The following XIRP2 variants were observed in gnomAD, a reference collection of about 807,000 sequenced individuals.
The protein encoded by XIRP2 is xin actin-binding repeat-containing protein 2.
Under a neutral mutation model 277.0 loss-of-function variants are expected in XIRP2, and 236 were observed. That is an observed-to-expected ratio of 0.85 (90% CI 0.77 to 0.95). The LOEUF (loss-of-function observed/expected upper bound fraction) is 0.95. Ranked by LOEUF, XIRP2 falls within the 40% of genes least tolerant of loss-of-function variation. The pLI is 0.00. For missense variants in XIRP2, 4,640 were observed against 4,157.5 expected (o/e 1.12, Z -3.19); for synonymous variants, 1,490 against 1,416.5 (o/e 1.05, Z -1.17).
chr2:167,116,361 C>T (rs757602580), intron 2 of XIRP2, among the ~76,000 whole-genome samples: 5 of 152,172 alleles, frequency 3.3e-5, no homozygotes, highest in East Asian at 3.9e-4. Context: ...GCCTTTTGAT[C>T]GATTAACCAT....
chr2:167,076,139 A>G (rs1055552509), intron 2 of XIRP2, among the ~76,000 whole-genome samples: 1 of 152,202 alleles, frequency 6.6e-6, no homozygotes, highest in African/African-American at 2.4e-5. Flanking sequence ...TGATTATGAA[A>G]AAAAAAGTGT....
At chr2:167,036,181 AG>A (rs1356904079) in intron 2 of XIRP2, among the ~76,000 whole-genome samples, 38 of 152,314 alleles carry the variant, frequency 2.5e-4, no homozygotes, top group African/African-American at 9.1e-4. Context: ...GTCCCTACTG[AG>A]GCACTGCTTA....
intron 2 of XIRP2, among the ~76,000 whole-genome samples, chr2:166,939,679 C>CAAAAAAAAAAAAA (rs138977006): frequency 3.9e-4 from 35 of 90,442 alleles, no homozygotes; most frequent in East Asian, 1.2e-3. Context: ...GACTCCATCA[C>CAAAAAAAAAAAAA]AAAAAAAAAA....
intron 2 of XIRP2, among the ~76,000 whole-genome samples, chr2:167,079,236 G>A (rs899290243): frequency 6.6e-6 from 1 of 152,172 alleles, no homozygotes; most frequent in Non-Finnish European, 1.5e-5. Flanking sequence ...TTAAGTTTTT[G>A]ATGTGCTGCT....
chr2:166,956,500 G>T (rs1014686518), intron 2 of XIRP2, among the ~76,000 whole-genome samples: 1 of 151,808 alleles, frequency 6.6e-6, no homozygotes, highest in Non-Finnish European at 1.5e-5. Context: ...TGTGGTCATT[G>T]TTCCATGTAA....
chr2:167,198,420 T>C (rs1693582850), intron 3 of XIRP2, among the ~76,000 whole-genome samples: 1 of 152,280 alleles, frequency 6.6e-6, no homozygotes, highest in Non-Finnish European at 1.5e-5. Context: ...TTATTCAGTG[T>C]CCCTTAGAAT....
At chr2:166,978,092 T>A (rs1686763444) in intron 2 of XIRP2, among the ~76,000 whole-genome samples, 1 of 152,216 alleles carries the variant, frequency 6.6e-6, no homozygotes, top group South Asian at 2.1e-4. Context: ...TTTCTTTCTA[T>A]ACAGATTTTC....
chr2:167,195,559 G>A (rs1458090960), intron 3 of XIRP2, among the ~76,000 whole-genome samples: 1 of 152,182 alleles, frequency 6.6e-6, no homozygotes, highest in Non-Finnish European at 1.5e-5. Context: ...CACAGCATCT[G>A]TGAAAAGATG....
At chr2:167,221,926 A>T (rs566782906) in intron 5 of XIRP2, among the ~76,000 whole-genome samples, 1 of 152,360 alleles carries the variant, frequency 6.6e-6, no homozygotes, top group South Asian at 2.1e-4. Context: ...ACAATTAGTA[A>T]TAACTTAATA....
rs1256965139 is a variant in XIRP2 at position 167,250,129 on chromosome 2, A to C, written c.8737A>C (p.Thr2913Pro). ...ACAAGAGAAACAAGTCTTCTCTAAT[A>C]CTAAAGATTCAAAGCAAGAGATTAC... ...GIQEKQVFSN[T>P]KDSKQEITQN... Residue 2913 changes from threonine (T) to proline (P), a missense_variant, in exon 9 of 11, where the codon ACT (threonine) becomes CCT (proline). Coordinates refer to ENST00000409195, the MANE Select transcript of XIRP2 (RefSeq NM_152381.6). 1.2e-6 allele frequency: 2 copies of C among 1,613,206 alleles called. No individual in the cohort carries two copies. The highest frequency in any genetic ancestry group is 1.7e-6 in the Non-Finnish European group (2 of 1,179,656).
chr2:166,908,688 C>T (rs566829142), intron 2 of XIRP2, among the ~76,000 whole-genome samples: 3 of 152,258 alleles, frequency 2.0e-5, no homozygotes, highest in African/African-American at 4.8e-5. Flanking sequence ...GAAGTCCTTG[C>T]CCATGCCTAT....
At chr2:167,114,078 C>A (rs991600273) in intron 2 of XIRP2, among the ~76,000 whole-genome samples, 1 of 152,102 alleles carries the variant, frequency 6.6e-6, no homozygotes, top group Non-Finnish European at 1.5e-5. Flanking sequence ...TCATTTCAAT[C>A]TTGAAGAATT....
At position 167,258,150 on chromosome 2, in the gene XIRP2, TAA is replaced by T; in HGVS notation, c.*336_*337del. ...AGAAAATTAGGGGAAAGGGGAAAATTAAAAGTCATTTGGCCTCCTTCCAAGGA... is the reference window on the plus strand; with the variant it reads ...AGAAAATTAGGGGAAAGGGGAAAATTAAGTCATTTGGCCTCCTTCCAAGGA... On this transcript the variant is annotated 3_prime_UTR_variant, in exon 11 of 11. Transcript: ENST00000409195. The T allele has an allele frequency of 6.2e-7, 1 of 1,612,970 alleles. No homozygotes were observed. Among genetic ancestry groups the T allele is most frequent in the Non-Finnish European group, 8.5e-7 (1 of 1,179,516 alleles).
intron 2 of XIRP2, among the ~76,000 whole-genome samples, chr2:167,011,342 G>C (rs979691387): frequency 6.6e-6 from 1 of 151,634 alleles, no homozygotes; most frequent in Non-Finnish European, 1.5e-5. Flanking sequence ...TGTGGTTTTT[G>C]TCTTTGGTTC....
chr2:167,194,220 T>C (rs991965530), intron 3 of XIRP2, among the ~76,000 whole-genome samples: 1 of 151,894 alleles, frequency 6.6e-6, no homozygotes, highest in Non-Finnish European at 1.5e-5. Context: ...TAGCTGGGAT[T>C]ACAGGCATGC....
At chr2:167,144,570 C>A (rs950267560) in intron 3 of XIRP2, among the ~76,000 whole-genome samples, 2 of 151,868 alleles carry the variant, frequency 1.3e-5, no homozygotes, top group African/African-American at 2.4e-5. Flanking sequence ...CAGCACTTAA[C>A]ATTCTAGATA....
chr2:166,891,112 G>A (rs1048499702), intron 1 of XIRP2, among the ~76,000 whole-genome samples: 1 of 152,174 alleles, frequency 6.6e-6, no homozygotes, highest in South Asian at 2.1e-4. Context: ...TTAAAGAACT[G>A]TTAAATTTGT....
chr2:167,125,280 A>G (rs1229545428), intron 2 of XIRP2, among the ~76,000 whole-genome samples: 1 of 152,212 alleles, frequency 6.6e-6, no homozygotes, highest in African/African-American at 2.4e-5. Flanking sequence ...AAAAGGCACA[A>G]TGCTACAAGA....
chr2:167,047,286 C>T (rs923990330), intron 2 of XIRP2, among the ~76,000 whole-genome samples: 22 of 151,422 alleles, frequency 1.5e-4, no homozygotes, highest in African/African-American at 5.1e-4. Context: ...TAGCTATAAA[C>T]AATAACAAAA....
Sources: allele counts gnomAD v4.1 joint callset (sites outside exome capture counted in the v4.1 genomes callset), GRCh38; gene constraint gnomAD v4.1.1; transcripts MANE v1.5; gene names NCBI Gene and HGNC (gene_info 2026-07-23, HGNC 2026-07-21).